Variants in PPP2R5C observed in about 807,000 individuals in gnomAD.
PPP2R5C encodes serine/threonine-protein phosphatase 2A 56 kDa regulatory subunit gamma isoform.
Under a neutral mutation model 68.9 loss-of-function variants are expected in PPP2R5C, and 7 were observed. That is an observed-to-expected ratio of 0.10 (90% confidence interval 0.06 to 0.19). The LOEUF is 0.19. PPP2R5C is among the 10% of genes least tolerant of loss of function. PPP2R5C has a pLI of 1.00. For missense variants in PPP2R5C, 348 were observed against 641.3 expected (o/e 0.54, Z 4.94); for synonymous variants, 210 against 222.2 (o/e 0.95, Z 0.49).
At chr14:101,762,304 C>T (rs972871821) in intron 1 of PPP2R5C, among the ~76,000 whole-genome samples, 1 of 152,098 alleles carries the variant, frequency 6.6e-6, no homozygotes, top group Non-Finnish European at 1.5e-5. Flanking sequence ...CGCAGGCTCC[C>T]GGAAAGGAGC....
chr14:101,775,473 C>T (rs542132198), intron 2 of PPP2R5C, among the ~76,000 whole-genome samples: 9 of 152,180 alleles, frequency 5.9e-5, no homozygotes, highest in South Asian at 2.1e-4. Context: ...CCTGGCTGCA[C>T]GGAAGGTTGT....
intron 9 of PPP2R5C, among the ~76,000 whole-genome samples, chr14:101,903,308 T>C (rs1407214260): frequency 1.3e-5 from 2 of 152,196 alleles, no homozygotes; most frequent in African/African-American, 4.8e-5. Context: ...ATGTGCTGTT[T>C]TGCATAAAAG....
At chr14:101,848,391 C>T (rs978218250) in intron 1 of PPP2R5C, among the ~76,000 whole-genome samples, 1 of 151,932 alleles carries the variant, frequency 6.6e-6, no homozygotes, top group Non-Finnish European at 1.5e-5. Flanking sequence ...ATTAGCCAGG[C>T]GTGGTGGCGA....
intron 1 of PPP2R5C, chr14:101,818,922 C>T (rs2039876413): frequency 1.6e-6 from 2 of 1,231,070 alleles, no homozygotes; most frequent in African/African-American, 1.5e-5. Flanking sequence ...GGTTGTGTTA[C>T]TCATGAGCAA....
intron 3 of PPP2R5C, among the ~76,000 whole-genome samples, chr14:101,791,433 A>G (rs999215525): frequency 6.6e-6 from 1 of 152,202 alleles, no homozygotes; most frequent in Non-Finnish European, 1.5e-5. Context: ...TTATTTTAAC[A>G]GAAAATAAAA....
At chr14:101,849,088 G>A (rs1019708100) in intron 1 of PPP2R5C, among the ~76,000 whole-genome samples, 21 of 152,186 alleles carry the variant, frequency 1.4e-4, no homozygotes, top group Admixed American at 3.9e-4. Context: ...GTGTATAGCT[G>A]TATTTCATTC....
chr14:101,760,941 A>AGGAGGAGAGGGGACGGGCTGGTCGAGG (rs1448278583), upstream of PPP2R5C, among the ~76,000 whole-genome samples: 1,102 of 70,692 alleles, frequency 0.016, 30 homozygotes, highest in East Asian at 0.075. Context: ...CCGAGGGAAG[A>AGGAGGAGAGGGGACGGGCTGGTCGAGG]GGAGGGGAGG....
intron 2 of PPP2R5C, among the ~76,000 whole-genome samples, chr14:101,863,707 G>A (rs1388425116): frequency 6.6e-6 from 1 of 152,086 alleles, no homozygotes; most frequent in African/African-American, 2.4e-5. Context: ...AACCAGCCTG[G>A]CCAACATGGT....
intron 2 of PPP2R5C, among the ~76,000 whole-genome samples, chr14:101,785,271 C>T (rs146240015): frequency 1.3e-5 from 2 of 152,146 alleles, no homozygotes; most frequent in African/African-American, 4.8e-5. Context: ...TATTCATCTC[C>T]TTGCACCACT....
At chr14:101,848,400 G>A (rs1395309726) in intron 1 of PPP2R5C, among the ~76,000 whole-genome samples, 1 of 151,938 alleles carries the variant, frequency 6.6e-6, no homozygotes, top group Non-Finnish European at 1.5e-5. Context: ...GCGTGGTGGC[G>A]AGCACCTATA....
intron 1 of PPP2R5C, chr14:101,810,332 C>A: frequency 3.2e-6 from 1 of 315,458 alleles, no homozygotes; most frequent in Non-Finnish European, 6.0e-6. Flanking sequence ...GATGTGAAGT[C>A]ACTGCCCAGG....
Position 101,825,158 on chromosome 14 carries a change from A to G in PPP2R5C, c.94+15122A>G, listed in dbSNP as rs111927759. On this transcript the variant is annotated intron_variant, in intron 1 of 13. Coordinates refer to ENST00000334743, the Ensembl canonical transcript of PPP2R5C. This position sits in a 1 kb window ranked among gnomAD's most constrained non-coding sequence, Gnocchi z 4.0. ...CCAGGATGAAACTCAAGAGATACAG[A>G]AGAAACTGAAAGTGATACTTTTGGC... Among the ~76,000 whole-genome samples the G allele has an allele frequency of 4.8e-3, 736 of 152,056 alleles. 7 individuals carry two copies. Among genetic ancestry groups the G allele is most frequent in the African/African-American group, 0.017 (699 of 41,442 alleles).
At chr14:101,809,552 C>CTT (rs5811049), upstream of PPP2R5C, among the ~76,000 whole-genome samples, 192 of 92,904 alleles carry the variant, frequency 2.1e-3, 10 homozygotes, top group African/African-American at 6.3e-3. Flanking sequence ...TATACACACA[C>CTT]TTTTTTTTTT....
At chr14:101,905,889 G>A (rs931883073) in intron 9 of PPP2R5C, among the ~76,000 whole-genome samples, 13 of 152,076 alleles carry the variant, frequency 8.5e-5, no homozygotes, top group African/African-American at 1.4e-4. Context: ...CACACGCACC[G>A]CCGCTGCCTG....
At chr14:101,924,368 T>G (rs1824128646) in intron 13 of PPP2R5C, among the ~76,000 whole-genome samples, 1 of 151,780 alleles carries the variant, frequency 6.6e-6, no homozygotes, top group Non-Finnish European at 1.5e-5. Flanking sequence ...TTTTTTCAAT[T>G]TGATAGAAGT....
chr14:101,794,909 A>C (rs2038536962), intron 3 of PPP2R5C, among the ~76,000 whole-genome samples: 1 of 152,188 alleles, frequency 6.6e-6, no homozygotes, highest in Admixed American at 6.5e-5. Context: ...TATTAATTAG[A>C]GCATCTGCAC....
In PPP2R5C at chr14:101,789,352, C is replaced by T. The variant is rs1000113200; in HGVS notation, c.259+3169C>T. On this transcript the variant is annotated intron_variant, in intron 3 of 14. Transcript: ENST00000328724. ...TTCTGGTAAGCAGCCTTTGCAAGGC[C>T]GCTGGTGCTCCGGAGTCCAAGCTCA... Among the ~76,000 whole-genome samples the T allele has an allele frequency of 4.6e-5, 7 of 152,172 alleles. No individual in the cohort carries two copies. In the South Asian group the frequency reaches 6.2e-4, roughly 13 times the overall value.
chr14:101,922,015 A>G, intron 13 of PPP2R5C: 2 of 985,450 alleles, frequency 2.0e-6, no homozygotes, highest in Non-Finnish European at 2.4e-6. Flanking sequence ...TCAACCACGC[A>G]AGTAAGGAAG....
At position 101,910,790 on chromosome 14, in the gene PPP2R5C, AC is replaced by A. The variant is rs199856676; in HGVS notation, c.1253+1104del. Among the ~76,000 whole-genome samples the A allele has an allele frequency of 6.4e-3, 928 of 144,564 alleles. 4 individuals carry two copies. The highest frequency in any genetic ancestry group is 0.011 in the Admixed American group (150 of 14,150). 94.8% of individuals were successfully genotyped at this position (144,564 alleles called of 152,430 possible). On this transcript the variant is annotated intron_variant, in intron 11 of 13. Transcript: ENST00000334743. ...AGACCATCCTGGCTAACACAATGAAACCCCGTCTCTACTAAAAATACAAAAA... is the reference window on the plus strand; with the variant it reads ...AGACCATCCTGGCTAACACAATGAAACCCGTCTCTACTAAAAATACAAAAA...
Sources: gnomAD v4.1 joint callset for allele counts (sites outside exome capture counted in the v4.1 genomes callset) on GRCh38, gnomAD v4.1.1 for gene constraint, Gnocchi (gnomAD v3.1) non-coding constraint, MANE v1.5 for transcripts, NCBI Gene and HGNC (gene_info 2026-07-23, HGNC 2026-07-21) for gene names.